FECH: variants seen among roughly 807,000 people sequenced by gnomAD.
FECH encodes the protein ferrochelatase.
FECH carries 40 observed loss-of-function variants against 56.9 expected under a neutral mutation model. The observed-to-expected ratio is 0.70, with a 90% CI of 0.55 to 0.92. FECH has a LOEUF of 0.92. Ranked by LOEUF, FECH falls within the 40% of genes least tolerant of loss-of-function variation. The pLI is 0.00. For synonymous variants in FECH, 175 were observed against 198.6 expected, an observed-to-expected ratio of 0.88 and a Z score of 1.00; for missense variants, 431 against 529.1, an observed-to-expected ratio of 0.81 and a Z score of 1.82.
chr18:57,553,966 G>A (rs556811061), intron 9 of FECH, among the ~76,000 whole-genome samples: 1 of 152,308 alleles, frequency 6.6e-6, no homozygotes, highest in Non-Finnish European at 1.5e-5. Context: ...AAGAAATATA[G>A]TTGTTATTAC....
chr18:57,577,163 A>G lies in FECH; in HGVS notation c.194+2910T>C, dbSNP rs372849452. 3.3e-5 allele frequency among the ~76,000 whole-genome samples: 5 copies of G among 152,310 alleles called. No individual in the cohort carries two copies. The East Asian group carries it at 5.8e-4, about 18-fold the overall frequency. ...CAGCTCTTCATTAAACCTCTAAGACATGATTGGCCTGTGGGTCTATGATGC... is the reference window on the plus strand; with the variant it reads ...CAGCTCTTCATTAAACCTCTAAGACGTGATTGGCCTGTGGGTCTATGATGC... On this transcript the variant is annotated intron_variant, in intron 2 of 10. Coordinates refer to ENST00000262093, the MANE Select transcript of FECH (RefSeq NM_000140.5).
intron 10 of FECH, 36 bp downstream of exon 10, chr18:57,551,279 T>C: frequency 7.0e-7 from 1 of 1,435,578 alleles, no homozygotes; most frequent in Non-Finnish European, 9.8e-7. Flanking sequence ...TACTCTCTGG[T>C]ATGTTCTACT....
At chr18:57,575,781 C>A (rs775995039) in intron 2 of FECH, among the ~76,000 whole-genome samples, 1 of 141,454 alleles carries the variant, frequency 7.1e-6, no homozygotes, top group Non-Finnish European at 1.6e-5. Flanking sequence ...TTGGCAATAA[C>A]GTAAGGCAGC....
At chr18:57,555,766 A>G (rs1158211676) in intron 7 of FECH, among the ~76,000 whole-genome samples, 1 of 152,086 alleles carries the variant, frequency 6.6e-6, no homozygotes, top group African/African-American at 2.4e-5. Context: ...CTTCATTCCC[A>G]TATCCTATGA....
chr18:57,580,625 C>T (rs1487239420), intron 1 of FECH, among the ~76,000 whole-genome samples: 1 of 152,146 alleles, frequency 6.6e-6, no homozygotes, highest in Non-Finnish European at 1.5e-5. Context: ...TGCAGTTCTC[C>T]TTTCTGCCTC....
rs11537878 is a variant in FECH, at chr18:57,580,116, G to A, written c.151C>T (p.Gln51Ter). The A allele has an allele frequency of 6.2e-7, 1 of 1,614,122 alleles. No individual in the cohort carries two copies. Among genetic ancestry groups the A allele is most frequent in the African/African-American group, 1.3e-5 (1 of 75,012 alleles). ...TGAGGTTTTGCACCCTGGGCATGCTGGGCTGTTTCTGTGGTGACGGCCGCT... is the reference window on the plus strand; with the variant it reads ...TGAGGTTTTGCACCCTGGGCATGCTAGGCTGTTTCTGTGGTGACGGCCGCT... ...AAAAVTTETAQHAQGAKPQVQ... is the reference protein window; with the variant it reads ...AAAAVTTETA The change falls in exon 2 of 11, where the codon CAG becomes TAG. Residue 51 changes from glutamine (Q) to a stop codon, truncating the protein, a stop_gained. Transcript: ENST00000262093. LOFTEE classifies it high-confidence loss of function.
At chr18:57,556,404 C>G (rs2050867590) in intron 7 of FECH, among the ~76,000 whole-genome samples, 1 of 152,120 alleles carries the variant, frequency 6.6e-6, no homozygotes, top group African/African-American at 2.4e-5. Context: ...AGCAGACACA[C>G]CCTTAAACAA....
chr18:57,559,172 C>G lies in FECH; in HGVS notation c.777G>C (p.Leu259=), dbSNP rs1393572359. ...ACATGGGCAGTGAGTGAGCAGAAAACAGAATGACCACCTCGCTTCTCTTCT... is the reference window on the plus strand; with the variant it reads ...ACATGGGCAGTGAGTGAGCAGAAAAGAGAATGACCACCTCGCTTCTCTTCT... ...PLEKRSEVVI[L]FSAHSLPMSV... Residue 259 remains leucine (L), a synonymous_variant, in exon 7 of 11, where the codon CTG becomes CTC. Transcript: ENST00000262093. The G allele has an allele frequency of 1.2e-6, 2 of 1,613,504 alleles. No homozygotes were observed. Among genetic ancestry groups the G allele is most frequent in the East Asian group, 2.2e-5 (1 of 44,850 alleles).
intron 3 of FECH, 177 bp downstream of exon 3, chr18:57,573,069 T>A (rs999903360): frequency 8.7e-6 from 6 of 687,012 alleles, no homozygotes; most frequent in Non-Finnish European, 1.5e-5. Flanking sequence ...TTATTTGCTC[T>A]CTCCCCCTGC....
chr18:57,564,103 C>T (rs2050985501), intron 5 of FECH, among the ~76,000 whole-genome samples: 1 of 152,150 alleles, frequency 6.6e-6, no homozygotes, highest in African/African-American at 2.4e-5. Flanking sequence ...GTCTCAAACT[C>T]CCAACCTCAG....
chr18:57,565,580 A>C (rs2122295882), intron 5 of FECH, among the ~76,000 whole-genome samples: 1 of 152,272 alleles, frequency 6.6e-6, no homozygotes, highest in South Asian at 2.1e-4. Context: ...CAGAAAAAAA[A>C]AAAAAAAGAA....
intron 9 of FECH, among the ~76,000 whole-genome samples, chr18:57,552,660 A>C (rs765124060): frequency 6.6e-6 from 1 of 152,146 alleles, no homozygotes; most frequent in African/African-American, 2.4e-5. Context: ...TCGGATTCCC[A>C]AAGTGCTGAG....
intron 7 of FECH, among the ~76,000 whole-genome samples, chr18:57,555,611 C>A (rs1240725515): frequency 1.3e-5 from 2 of 152,198 alleles, no homozygotes; most frequent in Non-Finnish European, 2.9e-5. Flanking sequence ...TAAATATTTA[C>A]TGTGTACTGA....
intron 9 of FECH, 46 bp downstream of exon 9, chr18:57,554,213 CT>C (rs1246385268): frequency 2.5e-6 from 4 of 1,611,642 alleles, no homozygotes; most frequent in Non-Finnish European, 3.4e-6. Context: ...AAAAAATTTC[CT>C]TTTAAAACAA....
chr18:57,564,354 T>TACCTTCCTTTA, intron 5 of FECH, among the ~76,000 whole-genome samples: 1 of 152,354 alleles, frequency 6.6e-6, no homozygotes, highest in South Asian at 2.1e-4. Context: ...GGAAGGCAGA[T>TACCTTCCTTTA]GGTGTCAACC....
chr18:57,577,179 T>A (rs1252304668), intron 2 of FECH, among the ~76,000 whole-genome samples: 2 of 152,202 alleles, frequency 1.3e-5, no homozygotes, highest in Non-Finnish European at 2.9e-5. Flanking sequence ...GGCCTGTGGG[T>A]CTATGATGCC....
At position 57,562,893 on chromosome 18, in the gene FECH, G is replaced by A. The variant is rs1292029868; in HGVS notation, c.686C>T (p.Thr229Ile). Residue 229 changes from threonine to isoleucine, a missense_variant, in exon 6 of 11, where the codon ACA becomes ATA. Transcript: ENST00000262093. ...MKWSTIDRWP[T>I]HHLLIQCFAD... ...GCTTACCTGGATGAGGAGGTGATGT[G>A]TGGGCCACCTGTCAATAGTGCTCCA... 1 of 1,613,910 alleles carries A rather than the reference G, an allele frequency of 6.2e-7. No homozygotes were observed. The highest frequency in any genetic ancestry group is 8.5e-7 in the Non-Finnish European group (1 of 1,179,962).
intron 2 of FECH, among the ~76,000 whole-genome samples, chr18:57,579,138 C>T (rs2051228836): frequency 6.6e-6 from 1 of 151,288 alleles, no homozygotes; most frequent in African/African-American, 2.4e-5. Flanking sequence ...ATCCCAGCTA[C>T]TCGGGAGGCT....
At chr18:57,565,669 A>C (rs1320172650) in intron 5 of FECH, among the ~76,000 whole-genome samples, 2 of 152,182 alleles carry the variant, frequency 1.3e-5, no homozygotes, top group Non-Finnish European at 2.9e-5. Flanking sequence ...TATTTAAGGC[A>C]CATAACAAGC....
Sources: allele counts gnomAD v4.1 joint callset (sites outside exome capture counted in the v4.1 genomes callset), GRCh38; gene constraint gnomAD v4.1.1; transcripts MANE v1.5; gene names NCBI Gene and HGNC (gene_info 2026-07-23, HGNC 2026-07-21).